SNTG2: variants seen among roughly 807,000 people sequenced by gnomAD.
SNTG2 encodes the protein gamma-2-syntrophin.
Under a neutral mutation model 70.9 loss-of-function variants are expected in SNTG2, and 74 were observed. The ratio of observed to expected loss-of-function variants is 1.04; its 90% CI spans 0.86 to 1.27. The LOEUF is 1.27. Ranked by LOEUF, SNTG2 falls within the 50% of genes most tolerant of loss-of-function variation. The probability of loss-of-function intolerance (pLI) is 0.00; values close to 1 mark genes in which losing one functional copy is unlikely to be tolerated. For synonymous variants in SNTG2, 278 were observed against 273.8 expected (o/e 1.02, Z -0.15); for missense variants, 717 against 690.7 (o/e 1.04, Z -0.43).
chr2:1,126,903 C>T (rs1667729577), intron 4 of SNTG2, among the ~76,000 whole-genome samples: 1 of 152,110 alleles, frequency 6.6e-6, no homozygotes. Context: ...AATATTTTCT[C>T]CCATTCCGTG....
At chr2:1,006,934 C>T (rs1033974907) in intron 1 of SNTG2, among the ~76,000 whole-genome samples, 4 of 152,066 alleles carry the variant, frequency 2.6e-5, no homozygotes, top group South Asian at 2.1e-4. Flanking sequence ...GAGGCTGAGG[C>T]AGGAGAATCG....
intron 8 of SNTG2, among the ~76,000 whole-genome samples, chr2:1,198,479 T>C (rs1463075479): frequency 6.9e-6 from 1 of 144,062 alleles, no homozygotes; most frequent in Non-Finnish European, 1.5e-5. Context: ...AAAAAAAAAG[T>C]CAAGTAAACA....
intron 1 of SNTG2, among the ~76,000 whole-genome samples, chr2:1,055,645 T>A (rs1012259998): frequency 1.2e-4 from 18 of 152,214 alleles, no homozygotes; most frequent in African/African-American, 4.1e-4. Flanking sequence ...ATGAAAATGT[T>A]AGTCATTCAT....
At chr2:1,005,835 A>G (rs1659550134) in intron 1 of SNTG2, among the ~76,000 whole-genome samples, 1 of 15,166 alleles carries the variant, frequency 6.6e-5, no homozygotes, top group Non-Finnish European at 1.3e-4. Context: ...ATATATATAT[A>G]TATATATATA....
At chr2:1,149,165 TAAAAC>T (rs1478564871) in intron 6 of SNTG2, among the ~76,000 whole-genome samples, 1 of 151,410 alleles carries the variant, frequency 6.6e-6, no homozygotes, top group Non-Finnish European at 1.5e-5. Context: ...AGATTGAAAT[TAAAAC>T]ATACATGTTC....
intron 1 of SNTG2, among the ~76,000 whole-genome samples, chr2:1,078,600 G>A (rs1319694987): frequency 1.3e-5 from 2 of 152,204 alleles, no homozygotes; most frequent in Non-Finnish European, 2.9e-5. Context: ...GGCATCACCG[G>A]ACACTGGCTT....
rs1429840272 is a variant in SNTG2, at chr2:1,114,792, GGGAA to G, written c.325+16384_325+16387del. Reference sequence around the variant, plus strand: ...CTTTGAGAAGGATCGTGTGTACTAAGGGAAGTTTAACCCTTATAGTCCTTTGAGG... The same window carrying G: ...CTTTGAGAAGGATCGTGTGTACTAAGGTTTAACCCTTATAGTCCTTTGAGG... On this transcript the variant is annotated intron_variant, in intron 4 of 16. Transcript: ENST00000308624. Among the ~76,000 whole-genome samples, 3 of 151,868 alleles carry G rather than the reference GGGAA, an allele frequency of 2.0e-5. No homozygotes were observed. The South Asian group carries it at 6.2e-4, about 32-fold the overall frequency.
At chr2:1,281,884 C>T (rs546457235) in intron 14 of SNTG2, among the ~76,000 whole-genome samples, 1 of 152,262 alleles carries the variant, frequency 6.6e-6, no homozygotes, top group South Asian at 2.1e-4. Context: ...GCAGCATCAG[C>T]CACTGCACCC....
intron 4 of SNTG2, among the ~76,000 whole-genome samples, chr2:1,126,005 A>C (rs1667676765): frequency 1.3e-5 from 2 of 152,178 alleles, no homozygotes; most frequent in Non-Finnish European, 2.9e-5. Context: ...GGAATATTCA[A>C]TATGCTCTCT....
At chr2:1,204,920 C>A (rs1390728069) in intron 8 of SNTG2, among the ~76,000 whole-genome samples, 1 of 152,120 alleles carries the variant, frequency 6.6e-6, no homozygotes, top group Non-Finnish European at 1.5e-5. Flanking sequence ...GATTTGTCTT[C>A]AGATTCCACT....
intron 16 of SNTG2, among the ~76,000 whole-genome samples, chr2:1,328,154 G>A (rs562634414): frequency 1.3e-5 from 2 of 152,004 alleles, no homozygotes; most frequent in East Asian, 1.9e-4. Context: ...GCTGAACCAC[G>A]AGAACCCACC....
chr2:1,335,623 C>G (rs985391977), intron 16 of SNTG2, among the ~76,000 whole-genome samples: 1 of 152,006 alleles, frequency 6.6e-6, no homozygotes, highest in African/African-American at 2.4e-5. Flanking sequence ...AGACTGGAGT[C>G]CTACGAGTGA....
rs761359871 is a variant in SNTG2 at position 1,170,710 on chromosome 2, A to T, written c.500-2382A>T. 2.6e-5 allele frequency among the ~76,000 whole-genome samples: 4 copies of T among 152,142 alleles called. No homozygotes were observed. The East Asian group carries it at 7.7e-4, about 29-fold the overall frequency. ...GGAATATATCTGTGTATACGGACCC[A>T]TGTACATACCCTTTGTATGGGTTTT... On this transcript the variant is annotated intron_variant, in intron 7 of 16. Coordinates refer to ENST00000308624, the MANE Select transcript of SNTG2 (RefSeq NM_018968.4).
At chr2:1,331,041 C>T (rs929470118) in intron 16 of SNTG2, among the ~76,000 whole-genome samples, 4 of 152,156 alleles carry the variant, frequency 2.6e-5, no homozygotes, top group African/African-American at 9.7e-5. Context: ...CTTGGGGCAG[C>T]AGATTGACCA....
chr2:1,197,959 C>T (rs1228017334), intron 8 of SNTG2, among the ~76,000 whole-genome samples: 1 of 152,022 alleles, frequency 6.6e-6, no homozygotes. Flanking sequence ...AAAAGAAAAT[C>T]AACAGGGAAG....
chr2:1,124,509 G>A (rs1445095716), intron 4 of SNTG2, among the ~76,000 whole-genome samples: 1 of 151,914 alleles, frequency 6.6e-6, no homozygotes, highest in Admixed American at 6.5e-5. Context: ...TGTTAACCAG[G>A]ATGGTCTCGA....
chr2:1,197,513 A>ATGTG (rs769754945), intron 8 of SNTG2, among the ~76,000 whole-genome samples: 17 of 85,280 alleles, frequency 2.0e-4, no homozygotes, highest in South Asian at 9.7e-4. Context: ...GTATGTATAT[A>ATGTG]TATGTGTGTG....
intron 16 of SNTG2, among the ~76,000 whole-genome samples, chr2:1,340,636 A>C (rs1660037226): frequency 6.6e-6 from 1 of 152,236 alleles, no homozygotes; most frequent in South Asian, 2.1e-4. Context: ...TACAAAAATA[A>C]AATGTTTGAC....
intron 1 of SNTG2, among the ~76,000 whole-genome samples, chr2:1,036,909 A>G (rs13428163): frequency 0.021 from 3,178 of 152,196 alleles, 118 homozygotes; most frequent in African/African-American, 0.072. Flanking sequence ...CATTCATCCT[A>G]TAGTGTCTCA....
Sources: allele counts gnomAD v4.1 joint callset (sites outside exome capture counted in the v4.1 genomes callset), GRCh38; gene constraint gnomAD v4.1.1; transcripts MANE v1.5; gene names NCBI Gene and HGNC (gene_info 2026-07-23, HGNC 2026-07-21).